ABHD17C: variants seen among roughly 807,000 people sequenced by gnomAD.
The protein encoded by ABHD17C is abhydrolase domain containing 17C, depalmitoylase, also known as alpha/beta hydrolase domain-containing protein 17C.
ABHD17C carries 11 observed loss-of-function variants against 27.9 expected under a neutral mutation model. The observed-to-expected ratio is 0.39, with a 90% CI of 0.25 to 0.65. The LOEUF (loss-of-function observed/expected upper bound fraction) is 0.65, where lower values mean the gene tolerates loss of function less well. ABHD17C is among the 30% of genes least tolerant of loss of function. The pLI, the probability that ABHD17C is intolerant of heterozygous loss-of-function variation, is 0.45. For missense variants in ABHD17C, 280 were observed against 470.2 expected (o/e 0.60, Z 3.74); for synonymous variants, 233 against 209.1 (o/e 1.11, Z -0.98).
In ABHD17C at chr15:80,695,756, C is replaced by T. The variant is rs555731871; in HGVS notation, c.327C>T (p.Val109=). ...YSQRELDAVE[V]FFSRTARDNR... is the part of the protein sequence containing the mutation. ...AGCGCGAGCTGGACGCCGTCGAGGT[C>T]TTCTTCTCGCGCACGGCCCGGGACA... The change falls in exon 1 of 3, where the codon GTC becomes GTT. Residue 109 remains valine (V), a synonymous_variant. Transcript: ENST00000258884. This position sits in a 1 kb window ranked among gnomAD's most constrained non-coding sequence, Gnocchi z 4.3. 32 of 1,537,674 alleles carry T rather than the reference C, an allele frequency of 2.1e-5. No individual in the cohort carries two copies. In the African/African-American group the frequency reaches 4.0e-4, roughly 19 times the overall value.
intron 1 of ABHD17C, among the ~76,000 whole-genome samples, chr15:80,720,719 G>C (rs1268117753): frequency 6.6e-6 from 1 of 152,094 alleles, no homozygotes. Flanking sequence ...TCAGGAGTTT[G>C]TGACCAACCT....
chr15:80,750,736 A>T (rs1182083853), intron 2 of ABHD17C, among the ~76,000 whole-genome samples: 1 of 152,066 alleles, frequency 6.6e-6, no homozygotes, highest in Non-Finnish European at 1.5e-5. Flanking sequence ...CGTGGCTGGG[A>T]ATGCTAAGTA....
At chr15:80,746,229 C>T (rs1166066458) in intron 1 of ABHD17C, among the ~76,000 whole-genome samples, 1 of 148,554 alleles carries the variant, frequency 6.7e-6, no homozygotes, top group Non-Finnish European at 1.5e-5. Context: ...CTTTCTCTGT[C>T]TTTCCCTCCC....
chr15:80,723,138 A>ATATGTGTGTG (rs58011508), intron 1 of ABHD17C, among the ~76,000 whole-genome samples: 129 of 125,026 alleles, frequency 1.0e-3, no homozygotes, highest in African/African-American at 4.8e-3. Context: ...GTGTGTATAT[A>ATATGTGTGTG]TGTGTGTGTG....
chr15:80,730,674 G>A (rs758582244), intron 1 of ABHD17C, among the ~76,000 whole-genome samples: 3 of 152,148 alleles, frequency 2.0e-5, no homozygotes, highest in African/African-American at 4.8e-5. Flanking sequence ...ACGTTGACTC[G>A]CAGGACAAAA....
intron 1 of ABHD17C, among the ~76,000 whole-genome samples, chr15:80,744,258 G>A (rs1233004177): frequency 1.3e-5 from 2 of 151,536 alleles, no homozygotes; most frequent in Non-Finnish European, 1.5e-5. Flanking sequence ...GAGCCAGGGA[G>A]TTTACATGAA....
chr15:80,737,185 A>T (rs185189383), intron 1 of ABHD17C, among the ~76,000 whole-genome samples: 264 of 152,358 alleles, frequency 1.7e-3, no homozygotes, highest in African/African-American at 6.2e-3. Flanking sequence ...ACTGCCCGTG[A>T]CAAAGAGTAA....
At chr15:80,727,085 CA>C (rs1231002719) in intron 1 of ABHD17C, among the ~76,000 whole-genome samples, 1 of 152,104 alleles carries the variant, frequency 6.6e-6, no homozygotes, top group Non-Finnish European at 1.5e-5. Context: ...ACTTAAAGTA[CA>C]AAAAGAAAAT....
At chr15:80,738,518 C>T (rs1895164296) in intron 1 of ABHD17C, among the ~76,000 whole-genome samples, 1 of 152,112 alleles carries the variant, frequency 6.6e-6, no homozygotes, top group Non-Finnish European at 1.5e-5. Context: ...CATTTGTAGC[C>T]CACCACAAAG....
chr15:80,708,607 CAT>C (rs1344697380), intron 1 of ABHD17C, among the ~76,000 whole-genome samples: 1 of 152,046 alleles, frequency 6.6e-6, no homozygotes, highest in African/African-American at 2.4e-5. Flanking sequence ...GTGAATGGTA[CAT>C]ATGTTTTGTG....
chr15:80,732,020 C>T (rs1895063801), intron 1 of ABHD17C, among the ~76,000 whole-genome samples: 1 of 152,190 alleles, frequency 6.6e-6, no homozygotes, highest in Admixed American at 6.5e-5. Flanking sequence ...ATGGAATGTT[C>T]ACATTTAAAG....
chr15:80,746,334 TC>T (rs1444773951), intron 1 of ABHD17C, among the ~76,000 whole-genome samples: 7 of 152,218 alleles, frequency 4.6e-5, no homozygotes, highest in African/African-American at 1.7e-4. Context: ...AGATCTAGGC[TC>T]TGTGGCAAAT....
intron 1 of ABHD17C, among the ~76,000 whole-genome samples, chr15:80,739,056 CAGA>C (rs1428247293): frequency 2.0e-5 from 3 of 152,136 alleles, no homozygotes; most frequent in Non-Finnish European, 4.4e-5. Flanking sequence ...CCAAAGGAAA[CAGA>C]AGAAGAGTGC....
intron 1 of ABHD17C, among the ~76,000 whole-genome samples, chr15:80,746,092 C>T (rs994035213): frequency 1.3e-5 from 2 of 152,190 alleles, no homozygotes; most frequent in South Asian, 4.1e-4. Context: ...ACATCCTTGC[C>T]AACACTTAAT....
At chr15:80,719,190 C>A (rs1418308975) in intron 1 of ABHD17C, among the ~76,000 whole-genome samples, 1 of 152,142 alleles carries the variant, frequency 6.6e-6, no homozygotes, top group Non-Finnish European at 1.5e-5. Flanking sequence ...AAGAGCCATC[C>A]CTCTTCCTCT....
intron 1 of ABHD17C, among the ~76,000 whole-genome samples, chr15:80,742,771 G>A (rs1427897015): frequency 6.6e-6 from 1 of 152,148 alleles, no homozygotes; most frequent in Non-Finnish European, 1.5e-5. Context: ...AGTAGGCCAG[G>A]CCCATTTGTG....
chr15:80,714,932 G>A (rs974468386), intron 1 of ABHD17C, among the ~76,000 whole-genome samples: 3 of 152,142 alleles, frequency 2.0e-5, no homozygotes, highest in Non-Finnish European at 4.4e-5. Context: ...TATATGTCAG[G>A]TGTTGGGCTA....
intron 1 of ABHD17C, among the ~76,000 whole-genome samples, chr15:80,737,673 A>C (rs573612813): frequency 2.6e-5 from 4 of 152,320 alleles, no homozygotes; most frequent in South Asian, 2.1e-4. Flanking sequence ...AAAGAAAATT[A>C]TGTCTGTAGA....
At chr15:80,696,517 T>C (rs1894497369) in intron 1 of ABHD17C, among the ~76,000 whole-genome samples, 1 of 152,106 alleles carries the variant, frequency 6.6e-6, no homozygotes. Flanking sequence ...GGCAGGACAA[T>C]GTCTGGGCAA....
Sources: gnomAD v4.1 joint callset for allele counts (sites outside exome capture counted in the v4.1 genomes callset) on GRCh38, gnomAD v4.1.1 for gene constraint, Gnocchi (gnomAD v3.1) non-coding constraint, MANE v1.5 for transcripts, NCBI Gene and HGNC (gene_info 2026-07-23, HGNC 2026-07-21) for gene names.